DNAH5: variants seen among roughly 807,000 people sequenced by gnomAD.
DNAH5 encodes dynein axonemal heavy chain 5.
DNAH5 carries 372 observed loss-of-function variants against 518.2 expected under a neutral mutation model. The ratio of observed to expected loss-of-function variants is 0.72; its 90% CI spans 0.66 to 0.78. The LOEUF is 0.78. DNAH5 is among the 30% of genes least tolerant of loss of function. The pLI is 0.00. For missense variants in DNAH5, 5,523 were observed against 5,687.0 expected, an observed-to-expected ratio of 0.97 and a Z score of 0.93; for synonymous variants, 2,039 against 2,025.9, an observed-to-expected ratio of 1.01 and a Z score of -0.17.
rs145083461 is a variant in DNAH5, at chr5:13,897,078, C to T, written c.2260-2257G>A. Among the ~76,000 whole-genome samples, 553 of 152,266 alleles carry T rather than the reference C, an allele frequency of 3.6e-3. 4 individuals carry two copies. Among genetic ancestry groups the T allele is most frequent in the South Asian group, 0.022 (105 of 4,818 alleles). ...AGCTAATATTAATGATTCTTAGAAA[C>T]CTGCTTAAGGAAGTAAGAAGCCTTG... On this transcript the variant is annotated intron_variant, in intron 15 of 78. Transcript: ENST00000265104.
chr5:13,922,203 G>A lies in DNAH5; in HGVS notation c.564C>T (p.Gly188=). 1 of 1,613,978 alleles carries A rather than the reference G, an allele frequency of 6.2e-7. No homozygotes were observed. Among genetic ancestry groups the A allele is most frequent in the East Asian group, 2.2e-5 (1 of 44,834 alleles). The change falls in exon 5 of 79, where the codon GGC becomes GGT. Residue 188 remains glycine, a synonymous_variant. Coordinates refer to ENST00000265104, the MANE Select transcript of DNAH5 (RefSeq NM_001369.3). ...GGCGAATGTTAGCTGCGTCCTGAAGGCCCTCGAGCTCGCCCCAGCCATGGC... is the reference window on the plus strand; with the variant it reads ...GGCGAATGTTAGCTGCGTCCTGAAGACCCTCGAGCTCGCCCCAGCCATGGC... ...ATSHGWGELE[G]LQDAANIRQE...
At chr5:13,701,457 C>T (rs761311118) in intron 76 of DNAH5, 21 bp from the exon 77 acceptor site, 3 of 1,596,670 alleles carry the variant, frequency 1.9e-6, no homozygotes, top group Non-Finnish European at 2.6e-6. Context: ...GACATTAAAA[C>T]AATTAATTGA....
intron 52 of DNAH5, among the ~76,000 whole-genome samples, chr5:13,784,469 A>C (rs1755661774): frequency 6.6e-6 from 1 of 152,178 alleles, no homozygotes; most frequent in South Asian, 2.1e-4. Context: ...CGTGCTGGGG[A>C]GACCCAACTC....
chr5:13,733,966 G>A (rs1746978218), intron 68 of DNAH5, among the ~76,000 whole-genome samples: 1 of 151,900 alleles, frequency 6.6e-6, no homozygotes, highest in Non-Finnish European at 1.5e-5. Context: ...TTTAGACCCT[G>A]GCATCATTTT....
At chr5:13,804,498 G>A (rs1344341927) in intron 47 of DNAH5, among the ~76,000 whole-genome samples, 1 of 152,194 alleles carries the variant, frequency 6.6e-6, no homozygotes, top group Non-Finnish European at 1.5e-5. Flanking sequence ...TGTTTAGCAT[G>A]AATGACTGAA....
chr5:13,764,242 G>A (rs1752192589), intron 59 of DNAH5, among the ~76,000 whole-genome samples: 1 of 152,088 alleles, frequency 6.6e-6, no homozygotes. Flanking sequence ...GCACTATTAG[G>A]GAAAATATTA....
At chr5:13,730,466 G>A (rs1746334292) in intron 68 of DNAH5, among the ~76,000 whole-genome samples, 2 of 151,686 alleles carry the variant, frequency 1.3e-5, no homozygotes, top group African/African-American at 2.4e-5. Context: ...ATGGAGTCTC[G>A]TTCTGTAGCC....
chr5:13,729,413 C>T lies in DNAH5; in HGVS notation c.11883+26G>A, dbSNP rs201789731. The T allele has an allele frequency of 1.2e-5, 19 of 1,613,598 alleles. No homozygotes were observed. In the African/African-American group the frequency reaches 2.5e-4, roughly 22 times the overall value. On this transcript the variant is annotated intron_variant, in intron 69 of 78. Transcript: ENST00000265104. ...AGAAAGCTGCTCAACATGACATCAG[C>T]TTAAGTTGATTCAAAGCACAGTTAC...
At chr5:13,884,232 C>G (rs1175427170) in intron 19 of DNAH5, among the ~76,000 whole-genome samples, 1 of 152,178 alleles carries the variant, frequency 6.6e-6, no homozygotes, top group Non-Finnish European at 1.5e-5. Context: ...GATGTTTCCA[C>G]TTTGTAAGAC....
chr5:13,953,768 C>T (rs763079338), intron 1 of DNAH5, among the ~76,000 whole-genome samples: 1 of 152,110 alleles, frequency 6.6e-6, no homozygotes, highest in Non-Finnish European at 1.5e-5. Flanking sequence ...AGTGCAATGG[C>T]GCGATCTCGG....
At chr5:13,718,322 T>C (rs1744578477) in intron 72 of DNAH5, among the ~76,000 whole-genome samples, 1 of 152,172 alleles carries the variant, frequency 6.6e-6, no homozygotes, top group South Asian at 2.1e-4. Context: ...AGGGCCAGAA[T>C]CAGGATTTCT....
At chr5:13,850,955 A>G in intron 30 of DNAH5, 140 bp from the exon 31 acceptor site, 2 of 847,806 alleles carry the variant, frequency 2.4e-6, no homozygotes, top group Admixed American at 1.8e-5. Flanking sequence ...TGTCACACAC[A>G]TTTTATTGAA....
At chr5:13,997,026 C>G (rs540518977) in intron 1 of DNAH5, among the ~76,000 whole-genome samples, 1 of 152,312 alleles carries the variant, frequency 6.6e-6, no homozygotes, top group East Asian at 1.9e-4. Flanking sequence ...GACAGCCATT[C>G]CCCCACAGCT....
chr5:13,780,731 C>T (rs1754976580), intron 53 of DNAH5, 98 bp downstream of exon 53: 1 of 1,348,998 alleles, frequency 7.4e-7, no homozygotes, highest in African/African-American at 1.4e-5. Context: ...ATGACTGTGA[C>T]TCTTTATATG....
At chr5:13,794,556 G>A (rs551499817) in intron 47 of DNAH5, among the ~76,000 whole-genome samples, 19 of 152,262 alleles carry the variant, frequency 1.2e-4, no homozygotes, top group South Asian at 6.2e-4. Context: ...GCAGTTACAC[G>A]GATTCAATTC....
At chr5:13,954,609 G>C (rs182902218) in intron 1 of DNAH5, among the ~76,000 whole-genome samples, 1 of 152,358 alleles carries the variant, frequency 6.6e-6, no homozygotes, top group Admixed American at 6.5e-5. Context: ...TGTTCCGAAA[G>C]TGAGCGAGAG....
Position 13,913,833 on chromosome 5 carries a change from C to T in DNAH5, c.1446G>A (p.Lys482=), listed in dbSNP as rs1468330146. The T allele has an allele frequency of 2.5e-6, 4 of 1,613,516 alleles. No individual in the cohort carries two copies. The African/African-American group carries it at 4.0e-5, about 16-fold the overall frequency. The change falls in exon 11 of 79, where the codon AAG becomes AAA. Residue 482 remains lysine, a synonymous_variant. Coordinates refer to ENST00000265104, the MANE Select transcript of DNAH5 (RefSeq NM_001369.3). ...TGAGGGTTGTAAAGATGTCTATTAT[C>T]TTGGCAAGGCGTCGGTGAAAAGTTT... ...KFETFHRRLA[K]IIDIFTTLKT...
intron 78 of DNAH5, among the ~76,000 whole-genome samples, chr5:13,695,272 G>A (rs1308147660): frequency 2.0e-5 from 3 of 152,140 alleles, no homozygotes; most frequent in African/African-American, 7.2e-5. Flanking sequence ...GTCCTCTACC[G>A]GTGAACAGGG....
At chr5:13,750,888 A>G (rs1750116571) in intron 65 of DNAH5, among the ~76,000 whole-genome samples, 190 bp downstream of exon 65, 1 of 152,206 alleles carries the variant, frequency 6.6e-6, no homozygotes, top group African/African-American at 2.4e-5. Flanking sequence ...CATTTGTGAA[A>G]CATATGAGTA....
Sources: allele counts gnomAD v4.1 joint callset (sites outside exome capture counted in the v4.1 genomes callset), GRCh38; gene constraint gnomAD v4.1.1; transcripts MANE v1.5; gene names NCBI Gene and HGNC (gene_info 2026-07-23, HGNC 2026-07-21).